The following SLX4IP variants were observed in gnomAD, a reference collection of about 807,000 sequenced individuals.
SLX4IP encodes the protein SLX4 interacting protein, also known as protein SLX4IP.
SLX4IP carries 34 observed loss-of-function variants against 32.9 expected under a neutral mutation model. That is an observed-to-expected ratio of 1.03 (90% CI 0.79 to 1.38). SLX4IP has a LOEUF of 1.38. SLX4IP is among the 40% of genes most tolerant of loss of function. The pLI is 0.00. For missense variants in SLX4IP, 444 were observed against 479.0 expected (o/e 0.93, Z 0.68); for synonymous variants, 172 against 171.7 (o/e 1.00, Z -0.01).
At chr20:10,599,496 A>G (rs1475572622) in intron 5 of SLX4IP, among the ~76,000 whole-genome samples, 1 of 150,764 alleles carries the variant, frequency 6.6e-6, no homozygotes, top group Non-Finnish European at 1.5e-5. Context: ...CAGTGGTGCA[A>G]TCATGGCTCA....
intron 1 of SLX4IP, among the ~76,000 whole-genome samples, chr20:10,457,297 T>C (rs573249673): frequency 1.3e-5 from 2 of 152,280 alleles, no homozygotes; most frequent in South Asian, 4.1e-4. Flanking sequence ...ATGTCTCTCA[T>C]CTTAAGGGAG....
At chr20:10,486,919 T>A (rs1355780015) in intron 2 of SLX4IP, among the ~76,000 whole-genome samples, 1 of 118,660 alleles carries the variant, frequency 8.4e-6, no homozygotes, top group Non-Finnish European at 1.9e-5. Flanking sequence ...CATTCAAACT[T>A]GCTCTGTTTT....
At chr20:10,546,852 C>A (rs1296770724) in intron 2 of SLX4IP, among the ~76,000 whole-genome samples, 1 of 152,126 alleles carries the variant, frequency 6.6e-6, no homozygotes, top group African/African-American at 2.4e-5. Flanking sequence ...TTGAAATAAT[C>A]ATGTCCTGAA....
chr20:10,506,840 C>A (rs1052741474), intron 2 of SLX4IP, among the ~76,000 whole-genome samples: 2 of 152,130 alleles, frequency 1.3e-5, no homozygotes, highest in African/African-American at 4.8e-5. Flanking sequence ...GGTGTGGGAA[C>A]GGACAGGCTG....
chr20:10,580,710 G>T (rs765171782), intron 4 of SLX4IP, among the ~76,000 whole-genome samples: 4 of 151,764 alleles, frequency 2.6e-5, no homozygotes, highest in Admixed American at 6.6e-5. Context: ...GGATGGTTCC[G>T]GTTCGATTAT....
intron 2 of SLX4IP, among the ~76,000 whole-genome samples, chr20:10,458,701 T>G (rs1221340786): frequency 6.6e-6 from 1 of 152,242 alleles, no homozygotes. Context: ...TTTGTTCCTT[T>G]TTATGGCTGC....
chr20:10,525,454 T>C (rs1219362533), intron 2 of SLX4IP, among the ~76,000 whole-genome samples: 1 of 152,196 alleles, frequency 6.6e-6, no homozygotes, highest in Admixed American at 6.5e-5. Flanking sequence ...AATGTTGAGT[T>C]AAATCTGTAT....
chr20:10,529,888 T>G (rs1048623807), intron 2 of SLX4IP, among the ~76,000 whole-genome samples: 8 of 152,188 alleles, frequency 5.3e-5, no homozygotes, highest in African/African-American at 1.9e-4. Flanking sequence ...TTCATTTCTC[T>G]GCTAATGAAG....
At chr20:10,532,242 G>A (rs1378427324) in intron 2 of SLX4IP, among the ~76,000 whole-genome samples, 1 of 151,990 alleles carries the variant, frequency 6.6e-6, no homozygotes, top group Admixed American at 6.6e-5. Flanking sequence ...AAAGATTGAT[G>A]TCACCACCAA....
At chr20:10,573,865 G>T (rs1568748917) in intron 4 of SLX4IP, among the ~76,000 whole-genome samples, 1 of 152,070 alleles carries the variant, frequency 6.6e-6, no homozygotes, top group Non-Finnish European at 1.5e-5. Context: ...CATTTTATAG[G>T]CTTTTATCCA....
At chr20:10,523,126 A>G (rs2058667378) in intron 2 of SLX4IP, among the ~76,000 whole-genome samples, 1 of 152,148 alleles carries the variant, frequency 6.6e-6, no homozygotes, top group South Asian at 2.1e-4. Context: ...ACCTCTTGGC[A>G]TGGGATGGGC....
At chr20:10,525,599 G>A (rs2122455648) in intron 2 of SLX4IP, among the ~76,000 whole-genome samples, 1 of 152,300 alleles carries the variant, frequency 6.6e-6, no homozygotes, top group South Asian at 2.1e-4. Context: ...TGGCGGATTA[G>A]GGGGTGTTAA....
At position 10,506,723 on chromosome 20, in the gene SLX4IP, C is replaced by A. The variant is rs1391887009; in HGVS notation, c.27+48492C>A. Among the ~76,000 whole-genome samples, 5 of 152,126 alleles carry A rather than the reference C, an allele frequency of 3.3e-5. No homozygotes were observed. In the East Asian group the frequency reaches 9.6e-4, roughly 29 times the overall value. Reference sequence around the variant, plus strand: ...ACAGGAAACAGACCATAAACAATAACTGGAATAAAGACATAAATTGTAGAG... The same window carrying A: ...ACAGGAAACAGACCATAAACAATAAATGGAATAAAGACATAAATTGTAGAG... On this transcript the variant is annotated intron_variant, in intron 2 of 7. Coordinates refer to ENST00000334534, the MANE Select transcript of SLX4IP (RefSeq NM_001009608.3).
Position 10,627,774 on chromosome 20 carries a change from T to A in SLX4IP, c.*4395T>A, listed in dbSNP as rs1568785996. 6.6e-6 allele frequency: 1 copy of A among 152,220 alleles called. No individual in the cohort carries two copies. The highest frequency in any genetic ancestry group is 6.5e-5 in the Admixed American group (1 of 15,288). The allele number at this position is 152,220 out of a possible 1,614,324, so 9.4% of individuals were successfully genotyped here. The stretch of plus-strand genomic sequence containing the variant: ...TGCTTGAGCAAAAATCAATAAAACC[T>A]TATGTTTGACCCTAAAGTATTTGAT... On this transcript the variant is annotated 3_prime_UTR_variant, in exon 8 of 8. Coordinates refer to ENST00000334534, the MANE Select transcript of SLX4IP (RefSeq NM_001009608.3).
intron 2 of SLX4IP, among the ~76,000 whole-genome samples, chr20:10,542,496 A>G (rs1473188822): frequency 6.6e-6 from 1 of 152,152 alleles, no homozygotes; most frequent in Non-Finnish European, 1.5e-5. Flanking sequence ...ACATGATTTT[A>G]AGTGTTGCTG....
chr20:10,497,741 T>C (rs2065680875), intron 2 of SLX4IP, among the ~76,000 whole-genome samples: 1 of 152,156 alleles, frequency 6.6e-6, no homozygotes, highest in African/African-American at 2.4e-5. Flanking sequence ...ATTGACTTTG[T>C]TGGTCACTTT....
At chr20:10,466,276 T>C (rs1207603579) in intron 2 of SLX4IP, among the ~76,000 whole-genome samples, 1 of 152,224 alleles carries the variant, frequency 6.6e-6, no homozygotes, top group Admixed American at 6.5e-5. Context: ...CTTATGATTT[T>C]GAATTTAAAT....
At chr20:10,481,531 A>G (rs2065520931) in intron 2 of SLX4IP, among the ~76,000 whole-genome samples, 1 of 152,186 alleles carries the variant, frequency 6.6e-6, no homozygotes, top group Admixed American at 6.5e-5. Flanking sequence ...ATGATTATGC[A>G]AACTTTCTCA....
At chr20:10,456,124 C>CTGTA (rs1192651326) in intron 1 of SLX4IP, among the ~76,000 whole-genome samples, 2 of 152,084 alleles carry the variant, frequency 1.3e-5, no homozygotes, top group Non-Finnish European at 2.9e-5. Flanking sequence ...TTCAGGCTAT[C>CTGTA]TGTATAAGGT....
Sources: allele counts gnomAD v4.1 joint callset (sites outside exome capture counted in the v4.1 genomes callset), GRCh38; gene constraint gnomAD v4.1.1; transcripts MANE v1.5; gene names NCBI Gene and HGNC (gene_info 2026-07-23, HGNC 2026-07-21).